The following MFAP3L variants were observed in gnomAD, a reference collection of about 807,000 sequenced individuals.
MFAP3L encodes microfibrillar-associated protein 3-like.
MFAP3L carries 5 observed loss-of-function variants against 20.0 expected under a neutral mutation model. That is an observed-to-expected ratio of 0.25 (90% confidence interval 0.13 to 0.53). The LOEUF is 0.53. Ranked by LOEUF, MFAP3L falls within the 20% of genes least tolerant of loss-of-function variation. The pLI, the probability that MFAP3L is intolerant of heterozygous loss-of-function variation, is 0.96. For missense variants in MFAP3L, 409 were observed against 527.5 expected (o/e 0.78, Z 2.20); for synonymous variants, 219 against 213.0 (o/e 1.03, Z -0.25).
intron 1 of MFAP3L, among the ~76,000 whole-genome samples, chr4:170,023,826 GAATA>G (rs1442704546): frequency 6.6e-6 from 1 of 152,164 alleles, no homozygotes; most frequent in Non-Finnish European, 1.5e-5. Flanking sequence ...TTAAAAAGTA[GAATA>G]AAAAGTCCAA....
At chr4:170,004,922 T>C (rs1004524376) in intron 2 of MFAP3L, 2 of 152,334 alleles carry the variant, frequency 1.3e-5, no homozygotes, top group African/African-American at 2.4e-5. Context: ...AAACAAGAAA[T>C]GCACCGATTC....
chr4:170,011,550 T>C (rs1739379977), intron 1 of MFAP3L, among the ~76,000 whole-genome samples: 1 of 152,196 alleles, frequency 6.6e-6, no homozygotes, highest in Non-Finnish European at 1.5e-5. Context: ...TTTAGGTTAG[T>C]TTTAGAAGCA....
intron 1 of MFAP3L, among the ~76,000 whole-genome samples, chr4:170,023,151 TC>T (rs915133487): frequency 6.6e-5 from 10 of 152,132 alleles, no homozygotes; most frequent in Non-Finnish European, 1.3e-4. Context: ...AAGCATGAGG[TC>T]CTCTCCTCCT....
At chr4:170,003,344 T>C (rs1738806461) in intron 2 of MFAP3L, among the ~76,000 whole-genome samples, 1 of 152,226 alleles carries the variant, frequency 6.6e-6, no homozygotes, top group Admixed American at 6.5e-5. Context: ...ACTGACAGGC[T>C]ACTACTATAG....
intron 2 of MFAP3L, among the ~76,000 whole-genome samples, chr4:169,993,092 A>C (rs368021057): frequency 7.9e-5 from 12 of 152,236 alleles, no homozygotes; most frequent in African/African-American, 2.6e-4. Flanking sequence ...TCTTACCCCC[A>C]CCACCCTCTC....
chr4:170,001,863 C>G (rs556827811), intron 2 of MFAP3L: 2 of 912,420 alleles, frequency 2.2e-6, no homozygotes, highest in Non-Finnish European at 2.6e-6. Context: ...AGTGACAGCA[C>G]CAGGCAAGCA....
chr4:170,013,385 G>C (rs749549391), intron 1 of MFAP3L, among the ~76,000 whole-genome samples: 4 of 151,874 alleles, frequency 2.6e-5, no homozygotes, highest in African/African-American at 4.8e-5. Flanking sequence ...AAAGGAGGAG[G>C]GAAAAAATTA....
At chr4:170,005,491 T>C in intron 2 of MFAP3L, 89 bp downstream of exon 2, 1 of 1,353,210 alleles carries the variant, frequency 7.4e-7, no homozygotes, top group Non-Finnish European at 1.0e-6. Context: ...TTTAAATCAT[T>C]TGCATGAGAA....
At position 170,018,962 on chromosome 4, in the gene MFAP3L, G is replaced by A. The variant is rs150282079; in HGVS notation, c.-134+7272C>T. Among the ~76,000 whole-genome samples the A allele has an allele frequency of 2.8e-3, 428 of 152,340 alleles. 3 individuals carry two copies. Among genetic ancestry groups the A allele is most frequent in the African/African-American group, 9.0e-3 (373 of 41,570 alleles). On this transcript the variant is annotated intron_variant, in intron 1 of 2. Coordinates refer to ENST00000361618, the MANE Select transcript of MFAP3L (RefSeq NM_021647.8). ...CTTCATAACAGCAGCTGAGAAGCAA[G>A]AACGCTCACTGGTTACTCAAGAGTT... is the stretch of plus-strand genomic sequence containing the variant.
At chr4:170,023,483 C>T (rs955360558) in intron 1 of MFAP3L, among the ~76,000 whole-genome samples, 1 of 152,154 alleles carries the variant, frequency 6.6e-6, no homozygotes, top group African/African-American at 2.4e-5. Flanking sequence ...TCAACCAAAC[C>T]CTTTGTAACC....
intron 1 of MFAP3L, among the ~76,000 whole-genome samples, chr4:170,007,767 C>T (rs896583229): frequency 2.0e-5 from 3 of 152,054 alleles, no homozygotes; most frequent in African/African-American, 7.2e-5. Flanking sequence ...CTGTGGTGAG[C>T]ATGTTGAGGG....
chr4:170,023,547 C>T (rs12646523), intron 1 of MFAP3L, among the ~76,000 whole-genome samples: 37,147 of 152,060 alleles, frequency 0.24, 5,310 homozygotes, highest in East Asian at 0.7. Flanking sequence ...TAACCACTGG[C>T]ATTTTAAGGC....
intron 1 of MFAP3L, among the ~76,000 whole-genome samples, chr4:170,013,491 A>AT (rs1739508994): frequency 2.0e-5 from 3 of 151,918 alleles, no homozygotes; most frequent in African/African-American, 7.3e-5. Flanking sequence ...GACTTGGAAA[A>AT]ACTTGGATGT....
chr4:169,993,155 CTT>C (rs1321418636), intron 2 of MFAP3L, among the ~76,000 whole-genome samples: 1 of 152,150 alleles, frequency 6.6e-6, no homozygotes, highest in East Asian at 1.9e-4. Context: ...CAGTGAAACA[CTT>C]TGGTTTGAAT....
In MFAP3L at chr4:169,989,742, T is replaced by C. The variant is rs948512089; in HGVS notation, c.*1636A>G. On this transcript the variant is annotated 3_prime_UTR_variant, in exon 3 of 3. Transcript: ENST00000361618. ...TGGACATCATAACCCCATTACCTGA[T>C]GTGGCCACGGCCCCTATGAATTTAT... 1.3e-5 allele frequency: 2 copies of C among 152,204 alleles called. No homozygotes were observed. The highest frequency in any genetic ancestry group is 2.9e-5 in the Non-Finnish European group (2 of 68,028). 9.4% of individuals were successfully genotyped at this position (152,204 alleles called of 1,614,324 possible).
chr4:170,014,054 T>G (rs940983871), intron 1 of MFAP3L, among the ~76,000 whole-genome samples: 7 of 152,216 alleles, frequency 4.6e-5, no homozygotes, highest in Admixed American at 4.6e-4. Flanking sequence ...TGTATTCACA[T>G]TTTTCTTTGA....
At chr4:170,003,562 T>C (rs906116560) in intron 2 of MFAP3L, 1 of 450,094 alleles carries the variant, frequency 2.2e-6, no homozygotes, top group Admixed American at 6.4e-5. Context: ...CCTCGAAATG[T>C]TGGAACTGAA....
At chr4:170,023,827 A>G (rs2111085680) in intron 1 of MFAP3L, among the ~76,000 whole-genome samples, 1 of 152,372 alleles carries the variant, frequency 6.6e-6, no homozygotes, top group South Asian at 2.1e-4. Context: ...TAAAAAGTAG[A>G]ATAAAAAGTC....
rs1737422024 is a variant in MFAP3L at position 169,988,386 on chromosome 4, A to T, written c.*2992T>A. The T allele has an allele frequency of 6.6e-6, 1 of 152,232 alleles. No individual in the cohort carries two copies. The highest frequency in any genetic ancestry group is 1.5e-5 in the Non-Finnish European group (1 of 68,036). 9.4% of individuals were successfully genotyped at this position (152,232 alleles called of 1,614,324 possible). A position where few individuals can be genotyped will look rare whatever the true frequency, so the allele number is the denominator to read the frequency against. ...CACACATATGTGAATCATTTTCAGA[A>T]TTTCAAGAAAAACATTGCTAGAGAT... On this transcript the variant is annotated 3_prime_UTR_variant, in exon 3 of 3. Coordinates refer to ENST00000361618, the MANE Select transcript of MFAP3L (RefSeq NM_021647.8).
Sources: allele counts gnomAD v4.1 joint callset (sites outside exome capture counted in the v4.1 genomes callset), GRCh38; gene constraint gnomAD v4.1.1; transcripts MANE v1.5; gene names NCBI Gene and HGNC (gene_info 2026-07-23, HGNC 2026-07-21).